Variants in TMTC1 observed in about 807,000 individuals in gnomAD.
The protein encoded by TMTC1 is transmembrane O-mannosyltransferase targeting cadherins 1.
A neutral mutation model predicts 104.8 loss-of-function variants in TMTC1; 73 were observed. The ratio of observed to expected loss-of-function variants is 0.70; its 90% CI spans 0.58 to 0.85. TMTC1 has a LOEUF of 0.85. Ranked by LOEUF, TMTC1 falls within the 40% of genes least tolerant of loss-of-function variation. The pLI is 0.00. For synonymous variants in TMTC1, 434 were observed against 428.7 expected (o/e 1.01, Z -0.15); for missense variants, 1,035 against 1,096.1 (o/e 0.94, Z 0.79).
intron 9 of TMTC1, among the ~76,000 whole-genome samples, chr12:29,560,682 A>G (rs1473736427): frequency 6.6e-6 from 1 of 152,220 alleles, no homozygotes; most frequent in East Asian, 1.9e-4. Flanking sequence ...TTTGTGTTCA[A>G]GTATTGGGTA....
At chr12:29,733,200 T>G (rs888820065) in intron 5 of TMTC1, among the ~76,000 whole-genome samples, 20 of 152,204 alleles carry the variant, frequency 1.3e-4, no homozygotes, top group Admixed American at 1.2e-3. Context: ...AGATGTTACA[T>G]TAGTCTCATT....
At chr12:29,536,952 G>A (rs1565653980) in intron 10 of TMTC1, among the ~76,000 whole-genome samples, 1 of 152,144 alleles carries the variant, frequency 6.6e-6, no homozygotes, top group Admixed American at 6.6e-5. Flanking sequence ...TCTTCCCCCA[G>A]TGATGACACT....
intron 5 of TMTC1, among the ~76,000 whole-genome samples, chr12:29,686,161 T>A (rs1048386352): frequency 6.6e-6 from 1 of 152,182 alleles, no homozygotes; most frequent in Non-Finnish European, 1.5e-5. Flanking sequence ...TGTTCATCAA[T>A]CTCTACTCTC....
chr12:29,516,533 A>G, intron 14 of TMTC1, 47 bp from the exon 15 acceptor site: 1 of 1,561,082 alleles, frequency 6.4e-7, no homozygotes, highest in Non-Finnish European at 8.7e-7. Context: ...TCATTACCTT[A>G]TCAAATAAAG....
intron 10 of TMTC1, among the ~76,000 whole-genome samples, chr12:29,537,669 G>A (rs1026223595): frequency 1.3e-5 from 2 of 152,144 alleles, no homozygotes; most frequent in African/African-American, 2.4e-5. Context: ...CAGGTGATCT[G>A]TATGCATGCT....
At chr12:29,560,295 G>A (rs1186323781) in intron 9 of TMTC1, among the ~76,000 whole-genome samples, 1 of 152,082 alleles carries the variant, frequency 6.6e-6, no homozygotes. Context: ...AGCACTCACT[G>A]GATTTTCTTT....
chr12:29,573,538 A>G (rs1047054763), intron 8 of TMTC1, among the ~76,000 whole-genome samples: 1 of 152,204 alleles, frequency 6.6e-6, no homozygotes, highest in African/African-American at 2.4e-5. Context: ...ACAAGATGAC[A>G]TGTAACAATA....
rs770862561 is a variant in TMTC1, at chr12:29,633,218, G to A, written c.1057C>T (p.Arg353Trp). Residue 353 changes from arginine (R) to tryptophan (W), a missense_variant, in exon 6 of 18, where the codon CGG (arginine) becomes TGG (tryptophan). Arg to Trp is a moderately radical substitution (Grantham distance 101). Coordinates refer to ENST00000539277, the MANE Select transcript of TMTC1 (RefSeq NM_001193451.2). ...IPLVETIWDM[R>W]NLATIFLAVV... Reference sequence around the variant, plus strand: ...GCCAGAAAGATGGTGGCTAAGTTCCGCATGTCCCATATGGTCTCTACCAGA... The same window carrying A: ...GCCAGAAAGATGGTGGCTAAGTTCCACATGTCCCATATGGTCTCTACCAGA... 1.1e-5 allele frequency: 18 copies of A among 1,613,840 alleles called. No homozygotes were observed. Among genetic ancestry groups the A allele is most frequent in the African/African-American group, 2.7e-5 (2 of 74,868 alleles).
At chr12:29,716,092 TC>T (rs1456311382) in intron 5 of TMTC1, among the ~76,000 whole-genome samples, 2 of 151,552 alleles carry the variant, frequency 1.3e-5, no homozygotes, top group Non-Finnish European at 2.9e-5. Flanking sequence ...GATTATAACT[TC>T]CTGCAGCCTC....
In TMTC1 at chr12:29,520,785, A is replaced by T. The variant is rs1403334246; in HGVS notation, c.1786-65T>A. 2.3e-6 allele frequency: 3 copies of T among 1,325,266 alleles called. No individual in the cohort carries two copies. In the African/African-American group the frequency reaches 4.4e-5, roughly 20 times the overall value. The allele number at this position is 1,325,266 out of a possible 1,614,324, so 82.1% of individuals were successfully genotyped here. Reference sequence around the variant, plus strand: ...TTTCTAAAACCAACAATAACTGAATATTAGGAGCAGGAAAAGCAAAAAAAA... The same window carrying T: ...TTTCTAAAACCAACAATAACTGAATTTTAGGAGCAGGAAAAGCAAAAAAAA... On this transcript the variant is annotated intron_variant, in intron 11 of 17. Transcript: ENST00000539277.
intron 5 of TMTC1, among the ~76,000 whole-genome samples, chr12:29,657,565 A>G (rs751379056): frequency 3.9e-5 from 4 of 102,734 alleles, no homozygotes; most frequent in Non-Finnish European, 7.7e-5. Flanking sequence ...CTGAGAGCAT[A>G]TTCAAGATTT....
At chr12:29,702,684 G>C (rs573928282) in intron 5 of TMTC1, among the ~76,000 whole-genome samples, 6 of 152,268 alleles carry the variant, frequency 3.9e-5, no homozygotes, top group Non-Finnish European at 8.8e-5. Context: ...CCGAGGCAGC[G>C]CAGGCCATTG....
At chr12:29,621,119 G>A (rs1937650187) in intron 6 of TMTC1, among the ~76,000 whole-genome samples, 1 of 152,236 alleles carries the variant, frequency 6.6e-6, no homozygotes, top group Admixed American at 6.5e-5. Flanking sequence ...AATGGGAACT[G>A]AAAAGAGGAA....
intron 5 of TMTC1, among the ~76,000 whole-genome samples, chr12:29,704,908 C>A (rs537851624): frequency 6.6e-6 from 1 of 152,068 alleles, no homozygotes; most frequent in African/African-American, 2.4e-5. Flanking sequence ...GCATATCTAA[C>A]GAAAAGAACC....
At chr12:29,507,068 C>A in intron 17 of TMTC1, 82 bp from the exon 18 acceptor site, 1 of 1,191,152 alleles carries the variant, frequency 8.4e-7, no homozygotes, top group Non-Finnish European at 1.2e-6. Flanking sequence ...AGAAACTGAC[C>A]CTCTGCCCAG....
intron 10 of TMTC1, among the ~76,000 whole-genome samples, chr12:29,550,155 T>A (rs1430107730): frequency 2.0e-5 from 3 of 151,508 alleles, no homozygotes; most frequent in African/African-American, 7.3e-5. Flanking sequence ...AGTATGATAA[T>A]GAAAAAAAAA....
At chr12:29,507,696 G>A (rs1033269114) in intron 17 of TMTC1, among the ~76,000 whole-genome samples, 1 of 152,168 alleles carries the variant, frequency 6.6e-6, no homozygotes, top group Non-Finnish European at 1.5e-5. Flanking sequence ...GCAACCATGT[G>A]TGCCTGGTCC....
At position 29,504,561 on chromosome 12, in the gene TMTC1, CAG is replaced by C. The variant is rs1295578125; in HGVS notation, c.*2283_*2284del. On this transcript the variant is annotated 3_prime_UTR_variant, in exon 18 of 18. Transcript: ENST00000539277. Reference sequence around the variant, plus strand: ...TTCAAAAGATGCCAGTGTGTGTAGACAGAGTGACAGTGAGAGAAAAAGAGAGG... The same window carrying C: ...TTCAAAAGATGCCAGTGTGTGTAGACAGTGACAGTGAGAGAAAAAGAGAGG... 6.6e-6 allele frequency: 1 copy of C among 151,446 alleles called. No individual in the cohort carries two copies. Among genetic ancestry groups the C allele is most frequent in the Non-Finnish European group, 1.5e-5 (1 of 67,930 alleles). The allele number at this position is 151,446 out of a possible 1,614,324, so 9.4% of individuals were successfully genotyped here.
At chr12:29,724,553 G>A (rs1277262707) in intron 5 of TMTC1, among the ~76,000 whole-genome samples, 1 of 152,086 alleles carries the variant, frequency 6.6e-6, no homozygotes, top group African/African-American at 2.4e-5. Flanking sequence ...AACTTACACA[G>A]CATTACATAG....
Sources: allele counts gnomAD v4.1 joint callset (sites outside exome capture counted in the v4.1 genomes callset), GRCh38; gene constraint gnomAD v4.1.1; transcripts MANE v1.5; gene names NCBI Gene and HGNC (gene_info 2026-07-23, HGNC 2026-07-21).